CRB1: variants seen among roughly 807,000 people sequenced by gnomAD.
CRB1 encodes the protein protein crumbs homolog 1.
In CRB1, 83 loss-of-function variants were observed where a neutral mutation model predicts 120.0. The observed-to-expected ratio is 0.69, with a 90% CI of 0.58 to 0.83. The LOEUF (loss-of-function observed/expected upper bound fraction) is 0.83, where lower values mean the gene tolerates loss of function less well. Ranked by LOEUF, CRB1 falls within the 40% of genes least tolerant of loss-of-function variation. The pLI is 0.00. For missense variants in CRB1, 1,699 were observed against 1,687.6 expected (o/e 1.01, Z -0.12); for synonymous variants, 625 against 612.5 (o/e 1.02, Z -0.30).
chr1:197,307,531 C>G lies in CRB1; in HGVS notation c.71-20891C>G, dbSNP rs559728318. On this transcript the variant is annotated intron_variant, in intron 1 of 11. Coordinates refer to ENST00000367400, the MANE Select transcript of CRB1 (RefSeq NM_201253.3). ...ATACACTTTAAAATTAGAGAAAATG[C>G]AGGAACTGTGAGAGTACAGAGAAGT... 2.6e-5 allele frequency among the ~76,000 whole-genome samples: 4 copies of G among 152,224 alleles called. No individual in the cohort carries two copies. The South Asian group carries it at 8.3e-4, about 32-fold the overall frequency.
the CRB1 span, among the ~76,000 whole-genome samples, chr1:197,223,739 T>C: frequency 1.3e-5 from 2 of 152,304 alleles, no homozygotes; most frequent in South Asian, 2.1e-4. Context: ...TAACTTCGAA[T>C]AGCCCTAAAA....
chr1:197,460,741 G>A (rs1025240595), intron 11 of CRB1, among the ~76,000 whole-genome samples: 3 of 152,096 alleles, frequency 2.0e-5, no homozygotes, highest in Non-Finnish European at 4.4e-5. Context: ...TTTGTGAAGT[G>A]CAACATTTGG....
intron 11 of CRB1, among the ~76,000 whole-genome samples, chr1:197,457,186 C>G (rs1240487774): frequency 6.6e-6 from 1 of 152,056 alleles, no homozygotes; most frequent in Non-Finnish European, 1.5e-5. Flanking sequence ...TGTTGCCATA[C>G]AATCCTAAGT....
At chr1:197,410,245 A>G (rs556575736) in intron 5 of CRB1, among the ~76,000 whole-genome samples, 9 of 152,312 alleles carry the variant, frequency 5.9e-5, no homozygotes, top group South Asian at 2.1e-4. Flanking sequence ...CTTTAATTGT[A>G]TCTAAAATAG....
the CRB1 span, among the ~76,000 whole-genome samples, chr1:197,231,128 C>T: frequency 6.6e-6 from 1 of 151,994 alleles, no homozygotes; most frequent in Non-Finnish European, 1.5e-5. Context: ...AAGACAAGAA[C>T]AGAAGAAATT....
chr1:197,378,733 C>G (rs1480072485), intron 5 of CRB1, among the ~76,000 whole-genome samples: 1 of 152,098 alleles, frequency 6.6e-6, no homozygotes, highest in Non-Finnish European at 1.5e-5. Context: ...CAGAATTACC[C>G]CTTTCAAAAT....
intron 1 of CRB1, among the ~76,000 whole-genome samples, chr1:197,291,986 C>A (rs1423599797): frequency 6.6e-6 from 1 of 151,796 alleles, no homozygotes; most frequent in Admixed American, 6.6e-5. Flanking sequence ...AAATTGACAC[C>A]CTAACATCAC....
intron 1 of CRB1, among the ~76,000 whole-genome samples, chr1:197,295,695 C>A (rs1399859606): frequency 6.6e-6 from 1 of 152,048 alleles, no homozygotes; most frequent in Non-Finnish European, 1.5e-5. Flanking sequence ...ACCCTCCTTT[C>A]TTCCACCCAC....
At chr1:197,368,348 T>A (rs1194313090) in intron 5 of CRB1, among the ~76,000 whole-genome samples, 1 of 152,218 alleles carries the variant, frequency 6.6e-6, no homozygotes, top group Non-Finnish European at 1.5e-5. Flanking sequence ...AAACATCTTT[T>A]CAAGATTCAT....
At chr1:197,404,367 G>A (rs962283349) in intron 5 of CRB1, among the ~76,000 whole-genome samples, 8 of 148,866 alleles carry the variant, frequency 5.4e-5, no homozygotes, top group African/African-American at 1.7e-4. Context: ...GCATGAACCC[G>A]GGAGGCGGAG....
At chr1:197,314,050 T>C (rs975170095) in intron 1 of CRB1, among the ~76,000 whole-genome samples, 1 of 152,230 alleles carries the variant, frequency 6.6e-6, no homozygotes, top group Non-Finnish European at 1.5e-5. Context: ...CTAAGGTTCT[T>C]GGATCGACAT....
the CRB1 span, chr1:197,222,646 A>C: frequency 1.3e-6 from 1 of 777,364 alleles, no homozygotes; most frequent in Non-Finnish European, 2.4e-6. Flanking sequence ...GTGTTTGAAG[A>C]CCTTTCAGTC....
intron 1 of CRB1, among the ~76,000 whole-genome samples, chr1:197,307,627 T>A (rs980848195): frequency 3.3e-5 from 5 of 152,184 alleles, no homozygotes; most frequent in Non-Finnish European, 7.3e-5. Context: ...ATTTTCTCTT[T>A]TTGTTTAAAT....
chr1:197,441,866 A>G (rs753667864), intron 10 of CRB1: 93 of 386,780 alleles, frequency 2.4e-4, no homozygotes, highest in Non-Finnish European at 3.0e-4. Flanking sequence ...GAGCATTGAC[A>G]CTGGTGTAGG....
intron 1 of CRB1, among the ~76,000 whole-genome samples, chr1:197,326,609 C>T (rs1658505638): frequency 2.0e-5 from 3 of 151,484 alleles, no homozygotes; most frequent in Non-Finnish European, 1.5e-5. Flanking sequence ...CCAGCCTGGG[C>T]GACAGAGCAA....
At chr1:197,309,174 T>C (rs1395699438) in intron 1 of CRB1, among the ~76,000 whole-genome samples, 1 of 152,084 alleles carries the variant, frequency 6.6e-6, no homozygotes, top group East Asian at 1.9e-4. Context: ...ATATAAATAA[T>C]TCACAATTGC....
At chr1:197,356,656 C>T (rs1197480663) in intron 4 of CRB1, among the ~76,000 whole-genome samples, 175 bp from the exon 5 acceptor site, 1 of 152,134 alleles carries the variant, frequency 6.6e-6, no homozygotes, top group Non-Finnish European at 1.5e-5. Context: ...TTTACTGATA[C>T]TAGTACTTGT....
At chr1:197,474,003 T>C (rs1667098459) in intron 11 of CRB1, among the ~76,000 whole-genome samples, 1 of 152,166 alleles carries the variant, frequency 6.6e-6, no homozygotes, top group African/African-American at 2.4e-5. Context: ...AAAAACTTTA[T>C]ATGAGGCTGG....
intron 1 of CRB1, among the ~76,000 whole-genome samples, chr1:197,280,955 G>A (rs944764465): frequency 3.3e-5 from 5 of 151,782 alleles, no homozygotes; most frequent in East Asian, 1.9e-4. Context: ...TAAACACATC[G>A]GGGGCGGTCA....
Sources: allele counts gnomAD v4.1 joint callset (sites outside exome capture counted in the v4.1 genomes callset), GRCh38; gene constraint gnomAD v4.1.1; transcripts MANE v1.5; gene names NCBI Gene and HGNC (gene_info 2026-07-23, HGNC 2026-07-21).